Variants in GRID1 observed in about 807,000 individuals in gnomAD.
The protein encoded by GRID1 is glutamate receptor ionotropic, delta-1.
GRID1 carries 28 observed loss-of-function variants against 98.0 expected under a neutral mutation model. The observed-to-expected ratio is 0.29, with a 90% confidence interval of 0.21 to 0.39. The LOEUF (loss-of-function observed/expected upper bound fraction) is 0.39. Among genes scored for constraint, GRID1 ranks in the 10% least tolerant of loss-of-function variants. The pLI, the probability that GRID1 is intolerant of heterozygous loss-of-function variation, is 1.00. For synonymous variants in GRID1, 553 were observed against 538.5 expected, an observed-to-expected ratio of 1.03 and a Z score of -0.37; for missense variants, 1,111 against 1,340.5, an observed-to-expected ratio of 0.83 and a Z score of 2.67.
At chr10:85,961,608 A>G (rs1842268431) in intron 4 of GRID1, among the ~76,000 whole-genome samples, 1 of 116,498 alleles carries the variant, frequency 8.6e-6, no homozygotes, top group Non-Finnish European at 1.7e-5. Context: ...TCCTTCTTTC[A>G]TTCCTTCCTT....
chr10:86,206,773 G>T lies in GRID1; in HGVS notation c.236-125C>A. On this transcript the variant is annotated intron_variant, in intron 2 of 15. Coordinates refer to ENST00000327946, the MANE Select transcript of GRID1 (RefSeq NM_017551.3). The surrounding 1 kb of genome is among the most constrained non-coding windows in gnomAD (Gnocchi z 4.1). Reference sequence around the variant, plus strand: ...TCCCAAGAGAGGCTGCCTCCCTCCAGGACCAAGAACCATCCTGGGCAGGCC... The same window carrying T: ...TCCCAAGAGAGGCTGCCTCCCTCCATGACCAAGAACCATCCTGGGCAGGCC... 2 of 853,798 alleles carry T rather than the reference G, an allele frequency of 2.3e-6. No individual in the cohort carries two copies. The highest frequency in any genetic ancestry group is 3.6e-6 in the Non-Finnish European group (2 of 557,918). 52.9% of individuals were successfully genotyped at this position (853,798 alleles called of 1,614,324 possible).
intron 8 of GRID1, among the ~76,000 whole-genome samples, chr10:85,811,495 G>A (rs866125499): frequency 4.7e-5 from 7 of 148,248 alleles, no homozygotes; most frequent in Admixed American, 2.0e-4. Flanking sequence ...AATTAAACAA[G>A]AGATAGATAT....
intron 4 of GRID1, among the ~76,000 whole-genome samples, chr10:86,027,683 C>T (rs539026496): frequency 6.6e-6 from 1 of 152,268 alleles, no homozygotes; most frequent in East Asian, 1.9e-4. Flanking sequence ...CCATTTGAGA[C>T]CAAGTTTCCT....
intron 5 of GRID1, among the ~76,000 whole-genome samples, chr10:85,902,593 T>C (rs1841403879): frequency 6.6e-6 from 1 of 152,200 alleles, no homozygotes; most frequent in Non-Finnish European, 1.5e-5. Flanking sequence ...TTATTCAGCA[T>C]TCAACCAGTG....
chr10:85,798,744 T>C (rs1466814479), intron 8 of GRID1, among the ~76,000 whole-genome samples: 1 of 152,186 alleles, frequency 6.6e-6, no homozygotes, highest in East Asian at 1.9e-4. Context: ...TTGTATATTC[T>C]GCATATTAAC....
intron 8 of GRID1, among the ~76,000 whole-genome samples, chr10:85,816,711 G>A (rs1383322159): frequency 6.6e-6 from 1 of 151,766 alleles, no homozygotes; most frequent in African/African-American, 2.4e-5. Context: ...TTATTTTAAC[G>A]TTTATTTGAG....
At chr10:85,900,053 TAC>T (rs1841357997) in intron 5 of GRID1, among the ~76,000 whole-genome samples, 1 of 152,260 alleles carries the variant, frequency 6.6e-6, no homozygotes. Context: ...AAGCTGAGAC[TAC>T]AGTCTCTGTA....
At chr10:85,674,464 T>G (rs1282220403) in intron 12 of GRID1, among the ~76,000 whole-genome samples, 1 of 152,204 alleles carries the variant, frequency 6.6e-6, no homozygotes, top group Non-Finnish European at 1.5e-5. Flanking sequence ...TTAGAAAAGC[T>G]TATATTATAT....
At chr10:86,161,675 A>G (rs1224071685) in intron 3 of GRID1, among the ~76,000 whole-genome samples, 3 of 152,154 alleles carry the variant, frequency 2.0e-5, no homozygotes, top group Non-Finnish European at 4.4e-5. Flanking sequence ...AATGCTGCAC[A>G]TCTCAGCCAC....
At chr10:85,914,661 CT>C (rs1229481365) in intron 5 of GRID1, among the ~76,000 whole-genome samples, 3 of 152,174 alleles carry the variant, frequency 2.0e-5, no homozygotes, top group Non-Finnish European at 4.4e-5. Flanking sequence ...TAGTTACAAT[CT>C]GATACTACCT....
At chr10:85,951,343 G>A (rs1223303267) in intron 4 of GRID1, among the ~76,000 whole-genome samples, 2 of 152,160 alleles carry the variant, frequency 1.3e-5, no homozygotes, top group African/African-American at 4.8e-5. Flanking sequence ...TGCAGAGGGA[G>A]TTCTAAGCAT....
At chr10:86,093,782 C>T (rs116128240) in intron 4 of GRID1, among the ~76,000 whole-genome samples, 1,927 of 152,204 alleles carry the variant, frequency 0.013, 45 homozygotes, top group African/African-American at 0.043. Flanking sequence ...GAATTATTGG[C>T]ATCAATCCTT....
At chr10:85,734,955 A>AG (rs1225429495) in intron 8 of GRID1, among the ~76,000 whole-genome samples, 1 of 152,124 alleles carries the variant, frequency 6.6e-6, no homozygotes, top group Non-Finnish European at 1.5e-5. Context: ...CCCCATCCTG[A>AG]GGGGGTCTGG....
At position 85,724,553 on chromosome 10, in the gene GRID1, T is replaced by G. The variant is rs760909421; in HGVS notation, c.1657A>C (p.Ser553Arg). 1 of 1,613,738 alleles carries G rather than the reference T, an allele frequency of 6.2e-7. No individual in the cohort carries two copies. Among genetic ancestry groups the G allele is most frequent in the South Asian group, 1.1e-5 (1 of 91,086 alleles). Residue 553 changes from serine to arginine, a missense_variant, in exon 11 of 16, where the codon AGC (serine) becomes CGC (arginine). Physicochemically the swap from Ser to Arg is moderately radical, Grantham distance 110. Around this residue, in one of 3 missense-constraint regions of GRID1, gnomAD observed 762 missense variants for 869.1 expected, o/e 0.88. Transcript: ENST00000327946. ...ILIKKPEEKI[S>R]IFSLFAPFDF... ...AATGGAGCAAAGAGGGAGAAGATGCTGATTTTCTCCTCGGGCTTCTTAATT... is the reference window on the plus strand; with the variant it reads ...AATGGAGCAAAGAGGGAGAAGATGCGGATTTTCTCCTCGGGCTTCTTAATT...
At chr10:86,298,054 T>C (rs1204471773) in intron 2 of GRID1, among the ~76,000 whole-genome samples, 1 of 152,226 alleles carries the variant, frequency 6.6e-6, no homozygotes, top group Non-Finnish European at 1.5e-5. Context: ...AATAATCTTC[T>C]TCTGAGAAAA....
chr10:86,335,695 A>T (rs1395895237), intron 2 of GRID1, among the ~76,000 whole-genome samples: 1 of 152,244 alleles, frequency 6.6e-6, no homozygotes, highest in African/African-American at 2.4e-5. Flanking sequence ...TGCATCCAGC[A>T]TGGAGACCTC....
intron 14 of GRID1, among the ~76,000 whole-genome samples, chr10:85,613,975 T>C (rs1842761984): frequency 6.6e-6 from 1 of 152,198 alleles, no homozygotes; most frequent in African/African-American, 2.4e-5. Context: ...AAGATAAAAC[T>C]AGGAAATAGA....
intron 12 of GRID1, among the ~76,000 whole-genome samples, chr10:85,721,514 T>C (rs950978818): frequency 1.3e-5 from 2 of 152,218 alleles, no homozygotes; most frequent in Non-Finnish European, 2.9e-5. Context: ...GTGGTATATG[T>C]GATATAATCA....
chr10:85,669,393 G>C (rs1841060411), intron 12 of GRID1, among the ~76,000 whole-genome samples: 1 of 152,198 alleles, frequency 6.6e-6, no homozygotes, highest in Admixed American at 6.5e-5. Context: ...ATCTGAGAGG[G>C]CTCCAAGGGC....
Sources: allele counts gnomAD v4.1 joint callset (sites outside exome capture counted in the v4.1 genomes callset), GRCh38; gene constraint gnomAD v4.1.1; regional missense constraint gnomAD v4.1.1; non-coding constraint Gnocchi (gnomAD v3.1); transcripts MANE v1.5; gene names NCBI Gene and HGNC (gene_info 2026-07-23, HGNC 2026-07-21).